CNOT10: variants seen among roughly 807,000 people sequenced by gnomAD.
The protein encoded by CNOT10 is CCR4-NOT transcription complex subunit 10.
CNOT10 carries 30 observed loss-of-function variants against 94.6 expected under a neutral mutation model. The observed-to-expected ratio is 0.32, with a 90% CI of 0.24 to 0.43. The LOEUF is 0.43. Among genes scored for constraint, CNOT10 ranks in the 20% least tolerant of loss-of-function variants. CNOT10 has a pLI of 1.00. For synonymous variants in CNOT10, 289 were observed against 301.6 expected (o/e 0.96, Z 0.43); for missense variants, 759 against 877.2 (o/e 0.87, Z 1.70).
At chr3:32,694,219 T>A (rs1042795156) in intron 1 of CNOT10, among the ~76,000 whole-genome samples, 1 of 151,978 alleles carries the variant, frequency 6.6e-6, no homozygotes, top group African/African-American at 2.4e-5. Context: ...ACTGTAGAAA[T>A]GATCCCTGAA....
intron 1 of CNOT10, among the ~76,000 whole-genome samples, chr3:32,703,130 T>G (rs557784798): frequency 2.0e-5 from 3 of 151,092 alleles, no homozygotes; most frequent in Non-Finnish European, 4.4e-5. Flanking sequence ...TTCACCGTGT[T>G]AGCCAGGATG....
chr3:32,762,316 CT>C (rs1700488650), intron 14 of CNOT10, among the ~76,000 whole-genome samples: 1 of 151,782 alleles, frequency 6.6e-6, no homozygotes, highest in Non-Finnish European at 1.5e-5. Context: ...GTCATTCAGG[CT>C]GAGGTGCAGT....
At chr3:32,756,531 GGTCT>G (rs1700231529) in intron 13 of CNOT10, among the ~76,000 whole-genome samples, 1 of 152,012 alleles carries the variant, frequency 6.6e-6, no homozygotes, top group Non-Finnish European at 1.5e-5. Context: ...GCCTGAAGTG[GGTCT>G]TGTCCTAGAC....
chr3:32,696,315 C>CAA (rs372144615), intron 1 of CNOT10, among the ~76,000 whole-genome samples: 7 of 132,490 alleles, frequency 5.3e-5, no homozygotes, highest in Non-Finnish European at 8.1e-5. Context: ...GACTCCGTCT[C>CAA]AAAAAAAAAA....
At chr3:32,770,539 A>G (rs2125651129) in intron 18 of CNOT10, among the ~76,000 whole-genome samples, 1 of 151,794 alleles carries the variant, frequency 6.6e-6, no homozygotes, top group East Asian at 2.0e-4. Flanking sequence ...GTTGGCCACG[A>G]TGGTCTCGAT....
chr3:32,759,396 C>G, intron 13 of CNOT10, 62 bp from the exon 14 acceptor site: 1 of 1,179,758 alleles, frequency 8.5e-7, no homozygotes, highest in South Asian at 1.3e-5. Flanking sequence ...TCCTATTTAG[C>G]AAATATAACC....
At chr3:32,686,807 C>T (rs1484932995) in intron 1 of CNOT10, among the ~76,000 whole-genome samples, 1 of 152,206 alleles carries the variant, frequency 6.6e-6, no homozygotes, top group Non-Finnish European at 1.5e-5. Context: ...CGAAATCACC[C>T]TTTTAGACCT....
chr3:32,712,387 T>C lies in CNOT10; in HGVS notation c.431-840T>C, dbSNP rs1204271200. ...TAGTTAGTGGCTGAATAGGTGCAGA[T>C]TGAGTATCCCTTATCCAAAATGCTT... On this transcript the variant is annotated intron_variant, in intron 4 of 18. Coordinates refer to ENST00000328834, the MANE Select transcript of CNOT10 (RefSeq NM_015442.3). Among the ~76,000 whole-genome samples the C allele has an allele frequency of 3.3e-5, 5 of 152,174 alleles. No individual in the cohort carries two copies. The East Asian group carries it at 9.6e-4, about 29-fold the overall frequency.
chr3:32,715,735 T>G (rs1698089933), intron 5 of CNOT10, among the ~76,000 whole-genome samples: 1 of 152,196 alleles, frequency 6.6e-6, no homozygotes, highest in Non-Finnish European at 1.5e-5. Context: ...ACTGTGAGCT[T>G]CTCATGAGTA....
intron 7 of CNOT10, among the ~76,000 whole-genome samples, chr3:32,717,909 G>A (rs1289262208): frequency 6.6e-6 from 1 of 152,036 alleles, no homozygotes; most frequent in Non-Finnish European, 1.5e-5. Context: ...AAATCTAACA[G>A]TCAAATTATA....
intron 1 of CNOT10, among the ~76,000 whole-genome samples, chr3:32,701,422 C>T (rs911870740): frequency 6.6e-6 from 1 of 151,968 alleles, no homozygotes; most frequent in African/African-American, 2.4e-5. Flanking sequence ...AAATAAAAAA[C>T]CAAAAAACAA....
At chr3:32,760,960 C>A (rs902583833) in intron 14 of CNOT10, among the ~76,000 whole-genome samples, 1 of 151,826 alleles carries the variant, frequency 6.6e-6, no homozygotes, top group Non-Finnish European at 1.5e-5. Context: ...GAAACCCCAT[C>A]TCTACTGAAA....
At position 32,727,824 on chromosome 3, in the gene CNOT10, G is replaced by T; in HGVS notation, c.1169G>T (p.Arg390Leu). 1.2e-6 allele frequency: 2 copies of T among 1,613,110 alleles called. No individual in the cohort carries two copies. Among genetic ancestry groups the T allele is most frequent in the South Asian group, 1.1e-5 (1 of 91,004 alleles). ...EAVQVYHANP[R>L]LWLRLAECCI... Reference sequence around the variant, plus strand: ...GTTCAGGTTTATCATGCAAATCCTCGCCTCTGGCTACGGCTGGCTGAATGC... The same window carrying T: ...GTTCAGGTTTATCATGCAAATCCTCTCCTCTGGCTACGGCTGGCTGAATGC... Residue 390 changes from arginine (R) to leucine (L), a missense_variant, in exon 10 of 19, where the codon CGC (arginine) becomes CTC (leucine). Around this residue, in one of 3 missense-constraint regions of CNOT10, gnomAD observed 682 missense variants for 799.4 expected, o/e 0.85. Transcript: ENST00000328834.
rs1176463734 is a variant in CNOT10, at chr3:32,713,384, G to T, written c.573+15G>T. On this transcript the variant is annotated intron_variant, in intron 5 of 18. Transcript: ENST00000328834. Reference sequence around the variant, plus strand: ...GAAAGAATGAGGTGAGTCTTTAGAGGTGATCAGACTAAAATCTAAAATGTG... The same window carrying T: ...GAAAGAATGAGGTGAGTCTTTAGAGTTGATCAGACTAAAATCTAAAATGTG... The T allele has an allele frequency of 6.4e-7, 1 of 1,566,776 alleles. No individual in the cohort carries two copies. The highest frequency in any genetic ancestry group is 8.6e-7 in the Non-Finnish European group (1 of 1,163,184).
intron 1 of CNOT10, among the ~76,000 whole-genome samples, chr3:32,701,448 G>C (rs904816176): frequency 5.3e-5 from 8 of 152,034 alleles, no homozygotes; most frequent in African/African-American, 1.9e-4. Flanking sequence ...TAATGATATC[G>C]TGTAGCTCTG....
intron 13 of CNOT10, among the ~76,000 whole-genome samples, chr3:32,756,753 T>C (rs917101980): frequency 1.2e-4 from 18 of 152,310 alleles, no homozygotes; most frequent in African/African-American, 4.1e-4. Flanking sequence ...AAACCACAGA[T>C]GTGTGCTTCT....
chr3:32,749,168 G>A (rs991551542), intron 13 of CNOT10, among the ~76,000 whole-genome samples: 2 of 148,398 alleles, frequency 1.3e-5, no homozygotes, highest in East Asian at 3.9e-4. Context: ...TATATGACTT[G>A]TAGTTATTTT....
intron 6 of CNOT10, among the ~76,000 whole-genome samples, chr3:32,716,755 C>G (rs928786722): frequency 1.3e-5 from 2 of 152,186 alleles, no homozygotes; most frequent in Non-Finnish European, 2.9e-5. Flanking sequence ...TCAAGCGATT[C>G]TCCTGCCTCA....
intron 13 of CNOT10, among the ~76,000 whole-genome samples, chr3:32,741,973 A>T (rs1411316911): frequency 7.3e-5 from 11 of 150,778 alleles, no homozygotes; most frequent in South Asian, 2.1e-4. Context: ...TTTATTTTTT[A>T]TTTTATTTTA....
Sources: allele counts gnomAD v4.1 joint callset (sites outside exome capture counted in the v4.1 genomes callset), GRCh38; gene constraint gnomAD v4.1.1; regional missense constraint gnomAD v4.1.1; transcripts MANE v1.5; gene names NCBI Gene and HGNC (gene_info 2026-07-23, HGNC 2026-07-21).